CHST11: variants seen among roughly 807,000 people sequenced by gnomAD.
CHST11 encodes C4S-1.
A neutral mutation model predicts 30.4 loss-of-function variants in CHST11; 9 were observed. The ratio of observed to expected loss-of-function variants is 0.30; its 90% CI spans 0.18 to 0.52. The LOEUF is 0.52. CHST11 is among the 20% of genes least tolerant of loss of function. The pLI is 0.97. For missense variants in CHST11, 348 were observed against 460.6 expected, an observed-to-expected ratio of 0.76 and a Z score of 2.24; for synonymous variants, 152 against 187.8, an observed-to-expected ratio of 0.81 and a Z score of 1.56.
intron 2 of CHST11, among the ~76,000 whole-genome samples, chr12:104,665,358 G>C (rs1381930564): frequency 3.3e-5 from 5 of 152,196 alleles, no homozygotes. Context: ...GAAAAGAAGA[G>C]AGTCTAGTCT....
At chr12:104,594,695 G>A (rs748404702) in intron 1 of CHST11, among the ~76,000 whole-genome samples, 7 of 152,274 alleles carry the variant, frequency 4.6e-5, no homozygotes, top group South Asian at 4.1e-4. Context: ...GGTGGCTCAC[G>A]CCTGTAATCC....
chr12:104,513,849 G>T (rs2037994021), intron 1 of CHST11, among the ~76,000 whole-genome samples: 1 of 152,206 alleles, frequency 6.6e-6, no homozygotes, highest in Non-Finnish European at 1.5e-5. Context: ...GAAGAATTCT[G>T]GCAGTGGCGT....
At chr12:104,531,878 G>C (rs1314831641) in intron 1 of CHST11, among the ~76,000 whole-genome samples, 3 of 152,184 alleles carry the variant, frequency 2.0e-5, no homozygotes, top group Non-Finnish European at 2.9e-5. Flanking sequence ...CCATGACTAT[G>C]GTTGTTTGCT....
At chr12:104,611,987 C>T (rs563126870) in intron 2 of CHST11, among the ~76,000 whole-genome samples, 4 of 152,294 alleles carry the variant, frequency 2.6e-5, no homozygotes, top group Non-Finnish European at 5.9e-5. Flanking sequence ...AGCCCAGACC[C>T]CACCCTCTCT....
intron 2 of CHST11, among the ~76,000 whole-genome samples, chr12:104,624,991 A>G (rs2039198209): frequency 6.6e-6 from 1 of 152,168 alleles, no homozygotes; most frequent in South Asian, 2.1e-4. Flanking sequence ...ATTTAACCCT[A>G]ATTACCTCTT....
At chr12:104,539,040 T>C (rs1396766016) in intron 1 of CHST11, among the ~76,000 whole-genome samples, 1 of 152,230 alleles carries the variant, frequency 6.6e-6, no homozygotes, top group East Asian at 1.9e-4. Flanking sequence ...CAGAGAAGTG[T>C]TGCCCAAGGT....
Position 104,761,870 on chromosome 12 carries a change from C to A in CHST11, c.*4067C>A, listed in dbSNP as rs1592882971. 5 of 152,248 alleles carry A rather than the reference C, an allele frequency of 3.3e-5. No individual in the cohort carries two copies. The South Asian group carries it at 8.3e-4, about 25-fold the overall frequency. The allele number at this position is 152,248 out of a possible 1,614,324, so 9.4% of individuals were successfully genotyped here. A position where few individuals can be genotyped will look rare whatever the true frequency, so the allele number is the denominator to read the frequency against. ...AGAGAGCCTGTTGTAGAAAACGCTCCCTGTATCTTGCTGTACTGTTAAAGA... is the reference window on the plus strand; with the variant it reads ...AGAGAGCCTGTTGTAGAAAACGCTCACTGTATCTTGCTGTACTGTTAAAGA... On this transcript the variant is annotated 3_prime_UTR_variant, in exon 3 of 3. Coordinates refer to ENST00000303694, the MANE Select transcript of CHST11 (RefSeq NM_018413.6).
intron 1 of CHST11, among the ~76,000 whole-genome samples, chr12:104,488,549 GTGTA>G (rs955248199): frequency 2.0e-4 from 29 of 143,908 alleles, no homozygotes; most frequent in Non-Finnish European, 3.2e-4. Context: ...GTATGTGTGC[GTGTA>G]TGTGTGTGTA....
At chr12:104,522,106 TGCCGGCACTG>T (rs2038079119) in intron 1 of CHST11, among the ~76,000 whole-genome samples, 1 of 151,800 alleles carries the variant, frequency 6.6e-6, no homozygotes, top group African/African-American at 2.4e-5. Flanking sequence ...AAATTCCTTA[TGCCGGCACTG>T]GCTTCTCCAA....
intron 2 of CHST11, among the ~76,000 whole-genome samples, chr12:104,680,539 G>A (rs2039785519): frequency 6.6e-6 from 1 of 152,232 alleles, no homozygotes; most frequent in Non-Finnish European, 1.5e-5. Flanking sequence ...TTGCCTACTG[G>A]GCAGAAGTGC....
At position 104,588,507 on chromosome 12, in the gene CHST11, G is replaced by A. The variant is rs2038826856; in HGVS notation, c.119-13399G>A. ...GCCTATGACCCAGACTTGAGTCACA[G>A]ACTGGCTCATTCCAATGTCTTGCCG... is the stretch of plus-strand genomic sequence containing the variant. On this transcript the variant is annotated intron_variant, in intron 1 of 2. Transcript: ENST00000303694. Among the ~76,000 whole-genome samples the A allele has an allele frequency of 2.0e-5, 3 of 152,210 alleles. No homozygotes were observed. In the South Asian group the frequency reaches 6.2e-4, roughly 32 times the overall value.
chr12:104,673,822 G>A (rs570316692), intron 2 of CHST11, among the ~76,000 whole-genome samples: 6 of 152,282 alleles, frequency 3.9e-5, no homozygotes, highest in African/African-American at 1.4e-4. Flanking sequence ...TCCCTGGAAG[G>A]GCTGCTGAAA....
chr12:104,549,799 C>T (rs1592757988), intron 1 of CHST11, among the ~76,000 whole-genome samples: 1 of 152,032 alleles, frequency 6.6e-6, no homozygotes, highest in Admixed American at 6.6e-5. Flanking sequence ...CCCAGCTACT[C>T]GGGAGGCTGA....
intron 2 of CHST11, among the ~76,000 whole-genome samples, chr12:104,696,482 CA>C (rs10602668): frequency 0.042 from 2,869 of 69,042 alleles, 31 homozygotes; most frequent in East Asian, 0.17. Context: ...GCTAAAAATA[CA>C]AAAAAAAAAA....
In CHST11 at chr12:104,600,623, A is replaced by G. The variant is rs1034952172; in HGVS notation, c.119-1283A>G. ...ACAGAGAGGTTAGGTAGTTTCCTTAAGGTCACACAGCTGGTAGTGGTAGAG... is the reference window on the plus strand; with the variant it reads ...ACAGAGAGGTTAGGTAGTTTCCTTAGGGTCACACAGCTGGTAGTGGTAGAG... On this transcript the variant is annotated intron_variant, in intron 1 of 2. Transcript: ENST00000303694. This position sits in a 1 kb window ranked among gnomAD's most constrained non-coding sequence, Gnocchi z 4.1. 1.3e-5 allele frequency among the ~76,000 whole-genome samples: 2 copies of G among 152,178 alleles called. No individual in the cohort carries two copies. Among genetic ancestry groups the G allele is most frequent in the Non-Finnish European group, 2.9e-5 (2 of 68,034 alleles).
intron 2 of CHST11, among the ~76,000 whole-genome samples, chr12:104,665,439 T>C (rs1209390589): frequency 1.3e-5 from 2 of 152,134 alleles, no homozygotes; most frequent in African/African-American, 2.4e-5. Context: ...ATGGAGGTAG[T>C]TGAATGTAAC....
rs539929247 is a variant in CHST11 at position 104,706,246 on chromosome 12, T to C, written c.205-50703T>C. Among the ~76,000 whole-genome samples, 15 of 151,742 alleles carry C rather than the reference T, an allele frequency of 9.9e-5. No homozygotes were observed. The East Asian group carries it at 2.9e-3, about 29-fold the overall frequency. Reference sequence around the variant, plus strand: ...TAAAAATACAAAAATTAGCCAGGTGTGGTAGCGCATGCCTGTAATCCCAGC... The same window carrying C: ...TAAAAATACAAAAATTAGCCAGGTGCGGTAGCGCATGCCTGTAATCCCAGC... On this transcript the variant is annotated intron_variant, in intron 2 of 2. Transcript: ENST00000303694.
intron 2 of CHST11, among the ~76,000 whole-genome samples, chr12:104,613,704 C>G (rs577533090): frequency 6.6e-6 from 1 of 152,324 alleles, no homozygotes; most frequent in East Asian, 1.9e-4. Context: ...CCAATGAAAC[C>G]TCTTTTCTTT....
intron 1 of CHST11, among the ~76,000 whole-genome samples, chr12:104,559,775 T>TAAACC (rs1565987078): frequency 6.6e-6 from 1 of 151,804 alleles, no homozygotes; most frequent in Non-Finnish European, 1.5e-5. Flanking sequence ...TAAAATAAAA[T>TAAACC]AAACACATGC....
Sources: allele counts gnomAD v4.1 joint callset (sites outside exome capture counted in the v4.1 genomes callset), GRCh38; gene constraint gnomAD v4.1.1; non-coding constraint Gnocchi (gnomAD v3.1); transcripts MANE v1.5; gene names NCBI Gene and HGNC (gene_info 2026-07-23, HGNC 2026-07-21).